The following PTCH1 variants were observed in gnomAD, a reference collection of about 807,000 sequenced individuals.
The protein encoded by PTCH1 is protein patched homolog 1.
In PTCH1, 14 loss-of-function variants were observed where a neutral mutation model predicts 144.6. The ratio of observed to expected loss-of-function variants is 0.10; its 90% CI spans 0.06 to 0.15. PTCH1 has a LOEUF of 0.15. Ranked by LOEUF, PTCH1 falls within the 10% of genes least tolerant of loss-of-function variation. The pLI is 1.00. For synonymous variants in PTCH1, 833 were observed against 793.6 expected, an observed-to-expected ratio of 1.05 and a Z score of -0.83; for missense variants, 1,623 against 1,948.3, an observed-to-expected ratio of 0.83 and a Z score of 3.14.
At chr9:95,453,164 GCT>G in intron 20 of PTCH1, 2 of 372,036 alleles carry the variant, frequency 5.4e-6, no homozygotes, top group Admixed American at 3.8e-5. Context: ...ACAGAATCTC[GCT>G]CTGTCACCCA....
chr9:95,506,324 C>T (rs1265388570), intron 2 of PTCH1, 83 bp downstream of exon 2: 1 of 1,476,364 alleles, frequency 6.8e-7, no homozygotes, highest in Non-Finnish European at 9.3e-7. Flanking sequence ...CAGCCAGGCT[C>T]TAGGTGTGCG....
intron 9 of PTCH1, 140 bp downstream of exon 9, chr9:95,477,915 C>T: frequency 6.6e-7 from 1 of 1,508,160 alleles, no homozygotes. Context: ...ACTTTTAAAC[C>T]ACTGTGAAGC....
At position 95,458,740 on chromosome 9, in the gene PTCH1, T is replaced by C. The variant is rs1839189282; in HGVS notation, c.2888-447A>G. On this transcript the variant is annotated intron_variant, in intron 17 of 23. Transcript: ENST00000331920. This position sits in a 1 kb window ranked among gnomAD's most constrained non-coding sequence, Gnocchi z 4.7. The stretch of plus-strand genomic sequence containing the variant: ...TCAACCTTGTATGCTTCTTTTCTAA[T>C]GCAATGCTAAGTCTTCAGCAACAGG... 6.6e-6 allele frequency among the ~76,000 whole-genome samples: 1 copy of C among 152,264 alleles called. No individual in the cohort carries two copies. Among genetic ancestry groups the C allele is most frequent in the Non-Finnish European group, 1.5e-5 (1 of 68,042 alleles).
rs878853844 is a variant in PTCH1 at position 95,479,039 on chromosome 9, C to T, written c.1176G>A (p.Ala392=). The T allele has an allele frequency of 3.1e-6, 5 of 1,614,068 alleles. No individual in the cohort carries two copies. In the South Asian group the frequency reaches 3.3e-5, roughly 11 times the overall value. ...VSHINWNEDK[A]AAILEAWQRT... is the part of the protein sequence containing the mutation. Reference sequence around the variant, plus strand: ...TCTGCCAGGCCTCCAGGATGGCTGCCGCTTTGTCCTCGTTCCAGTTGATGT... The same window carrying T: ...TCTGCCAGGCCTCCAGGATGGCTGCTGCTTTGTCCTCGTTCCAGTTGATGT... Residue 392 remains alanine (A), a synonymous_variant, in exon 8 of 24, where the codon GCG becomes GCA. Coordinates refer to ENST00000331920, the MANE Select transcript of PTCH1 (RefSeq NM_000264.5).
chr9:95,503,619 A>G (rs16909922), intron 2 of PTCH1, among the ~76,000 whole-genome samples: 18,311 of 152,224 alleles, frequency 0.12, 1,351 homozygotes, highest in African/African-American at 0.21. Context: ...TTATGTCATT[A>G]GTAGGCAAAG....
chr9:95,466,618 C>G (rs1228194667), intron 15 of PTCH1, among the ~76,000 whole-genome samples: 1 of 152,088 alleles, frequency 6.6e-6, no homozygotes, highest in African/African-American at 2.4e-5. Flanking sequence ...TCCTGGGAAC[C>G]TAAAACTGCT....
rs1023491715 is a variant in PTCH1, at chr9:95,459,788, A to G, written c.2704-5T>C. 3 of 1,613,940 alleles carry G rather than the reference A, an allele frequency of 1.9e-6. No individual in the cohort carries two copies. The African/African-American group carries it at 4.0e-5, about 22-fold the overall frequency. ...CACCAGACGCTGTTTAGTCAACTAC[A>G]AAAACGGGAAGAACAGAGGCCTTTG... On this transcript the variant is annotated splice_region_variant and splice_polypyrimidine_tract_variant and intron_variant, in intron 16 of 23. Transcript: ENST00000331920.
chr9:95,498,151 A>C (rs1195992732), intron 2 of PTCH1, among the ~76,000 whole-genome samples: 1 of 152,216 alleles, frequency 6.6e-6, no homozygotes, highest in African/African-American at 2.4e-5. Flanking sequence ...CTCATTAATA[A>C]CTGAAAACTA....
chr9:95,511,026 T>G (rs1312625411), upstream of PTCH1, among the ~76,000 whole-genome samples: 3 of 149,862 alleles, frequency 2.0e-5, no homozygotes, highest in Non-Finnish European at 4.5e-5. Flanking sequence ...AGTACATTCC[T>G]GAAGGCGGAC....
At position 95,476,073 on chromosome 9, in the gene PTCH1, C is replaced by T. The variant is rs371757261; in HGVS notation, c.1689G>A (p.Ala563=). ...CCCGCAGAGCGGGAATTGGGATTAA[C>T]GCGGCCATGAAGAAGGCTGTGACAT... ...ISNVTAFFMA[A]LIPIPALRAF... The change falls in exon 12 of 24, where the codon GCG becomes GCA. Residue 563 remains alanine (A), a synonymous_variant. Coordinates refer to ENST00000331920, the MANE Select transcript of PTCH1 (RefSeq NM_000264.5). The surrounding 1 kb of genome is among the most constrained non-coding windows in gnomAD (Gnocchi z 4.6). The T allele has an allele frequency of 6.2e-6, 10 of 1,613,936 alleles. No individual in the cohort carries two copies. Among genetic ancestry groups the T allele is most frequent in the East Asian group, 2.2e-5 (1 of 44,880 alleles).
chr9:95,447,291 G>C lies in PTCH1; in HGVS notation c.3965C>G (p.Ala1322Gly), dbSNP rs1054532927. 4 of 1,612,950 alleles carry C rather than the reference G, an allele frequency of 2.5e-6. No homozygotes were observed. In the African/African-American group the frequency reaches 5.3e-5, roughly 22 times the overall value. The change falls in exon 23 of 24, where the codon GCT becomes GGT. Residue 1322 changes from alanine (A) to glycine (G), a missense_variant. Ala to Gly is a moderately conservative substitution (Grantham distance 60). This residue lies in a region of PTCH1 where 291 missense variants were observed against 287.4 expected (regional missense o/e 1.01). Transcript: ENST00000331920. ...ATGCCCTTCAGTAGAAATTTCAAAA[G>C]CGTCTCTGCGCGGTCTGTAGGGGGG... Reference protein sequence around the residue: ...WPPPYRPRRDAFEISTEGHSG... With the variant: ...WPPPYRPRRDGFEISTEGHSG...
At chr9:95,474,854 T>C (rs1297976942) in intron 12 of PTCH1, among the ~76,000 whole-genome samples, 21 of 152,096 alleles carry the variant, frequency 1.4e-4, no homozygotes, top group Admixed American at 1.4e-3. Flanking sequence ...GAACTCTTGG[T>C]GAGTAGAGTA....
At chr9:95,485,217 T>C (rs1011951798) in intron 3 of PTCH1, among the ~76,000 whole-genome samples, 13 of 151,866 alleles carry the variant, frequency 8.6e-5, no homozygotes, top group African/African-American at 2.9e-4. Flanking sequence ...AAAAAATAAA[T>C]AAAAAGGTGT....
chr9:95,473,361 G>T (rs1840742448), intron 12 of PTCH1, among the ~76,000 whole-genome samples: 1 of 152,084 alleles, frequency 6.6e-6, no homozygotes. Context: ...GTAGCATCTT[G>T]CAAATATAAA....
At position 95,446,246 on chromosome 9, in the gene PTCH1, C is replaced by A; in HGVS notation, c.*147G>T. On this transcript the variant is annotated 3_prime_UTR_variant, in exon 24 of 24. Coordinates refer to ENST00000331920, the MANE Select transcript of PTCH1 (RefSeq NM_000264.5). ...TATAGAAATATTTAACAAAATAATA[C>A]AATCGGTTACAGTAACAATGAACTG... 2 of 416,400 alleles carry A rather than the reference C, an allele frequency of 4.8e-6. No individual in the cohort carries two copies. Among genetic ancestry groups the A allele is most frequent in the South Asian group, 1.7e-5 (1 of 57,938 alleles). 25.8% of individuals were successfully genotyped at this position (416,400 alleles called of 1,614,324 possible). A position where few individuals can be genotyped will look rare whatever the true frequency, so the allele number is the denominator to read the frequency against.
At chr9:95,448,730 GA>G (rs76240653) in intron 22 of PTCH1, among the ~76,000 whole-genome samples, 253 of 134,764 alleles carry the variant, frequency 1.9e-3, no homozygotes, top group Non-Finnish European at 2.0e-3. Flanking sequence ...ACCTTAAGAG[GA>G]AAAAAAAAAA....
At position 95,508,364 on chromosome 9, in the gene PTCH1, TGCCGCCGCC is replaced by T. The variant is rs71366293; in HGVS notation, c.-12_-4del. Reference sequence around the variant, plus strand: ...GCGGCGTTACCAGCCGAGGCCATGTTGCCGCCGCCGCCGCCGCCGCCGCGGGGACGGAGG... The same window carrying T: ...GCGGCGTTACCAGCCGAGGCCATGTTGCCGCCGCCGCCGCGGGGACGGAGG... On this transcript the variant is annotated 5_prime_UTR_variant, in exon 1 of 24. Coordinates refer to ENST00000331920, the MANE Select transcript of PTCH1 (RefSeq NM_000264.5). The T allele has an allele frequency of 6.4e-4, 741 of 1,163,798 alleles. 1 individual carries two copies. The highest frequency in any genetic ancestry group is 6.2e-4 in the Non-Finnish European group (588 of 944,996). The allele number at this position is 1,163,798 out of a possible 1,614,324, so 72.1% of individuals were successfully genotyped here.
At chr9:95,471,132 TC>T (rs1484590249) in intron 12 of PTCH1, among the ~76,000 whole-genome samples, 2 of 151,544 alleles carry the variant, frequency 1.3e-5, no homozygotes, top group East Asian at 3.9e-4. Flanking sequence ...ACGAGGCTTC[TC>T]AAAGAACTGC....
intron 2 of PTCH1, among the ~76,000 whole-genome samples, chr9:95,492,750 A>C (rs1842507264): frequency 6.6e-6 from 1 of 151,904 alleles, no homozygotes; most frequent in Admixed American, 6.6e-5. Flanking sequence ...GAAATATGAC[A>C]ATAATCCGTA....
Sources: gnomAD v4.1 joint callset for allele counts (sites outside exome capture counted in the v4.1 genomes callset) on GRCh38, gnomAD v4.1.1 for gene constraint, gnomAD v4.1.1 regional missense constraint, Gnocchi (gnomAD v3.1) non-coding constraint, MANE v1.5 for transcripts, NCBI Gene and HGNC (gene_info 2026-07-23, HGNC 2026-07-21) for gene names.